Variants in PRKCI observed in about 807,000 individuals in gnomAD.
PRKCI encodes protein kinase C iota type.
In PRKCI, 43 loss-of-function variants were observed where a neutral mutation model predicts 84.0. That is an observed-to-expected ratio of 0.51 (90% CI 0.40 to 0.66). PRKCI has a LOEUF of 0.66. Among genes scored for constraint, PRKCI ranks in the 30% least tolerant of loss-of-function variants. The pLI, the probability that PRKCI is intolerant of heterozygous loss-of-function variation, is 0.00. For synonymous variants in PRKCI, 216 were observed against 234.4 expected (o/e 0.92, Z 0.72); for missense variants, 459 against 745.6 (o/e 0.62, Z 4.48).
intron 3 of PRKCI, 135 bp from the exon 4 acceptor site, chr3:170,263,244 T>G: frequency 1.6e-6 from 1 of 629,946 alleles, no homozygotes; most frequent in Non-Finnish European, 2.8e-6. Context: ...GATCACATGC[T>G]AAGTATCTTG....
intron 5 of PRKCI, among the ~76,000 whole-genome samples, 149 bp from the exon 6 acceptor site, chr3:170,270,268 TTATG>T (rs1733965573): frequency 6.6e-6 from 1 of 152,188 alleles, no homozygotes; most frequent in Non-Finnish European, 1.5e-5. Flanking sequence ...TTTTAAAAAA[TTATG>T]TATGAGGAAG....
Position 170,291,674 on chromosome 3 carries a change from G to A in PRKCI, c.1204-180G>A, listed in dbSNP as rs912747333. 94 of 513,458 alleles carry A rather than the reference G, an allele frequency of 1.8e-4. No individual in the cohort carries two copies. The Admixed American group carries it at 2.9e-3, about 16-fold the overall frequency. The allele number at this position is 513,458 out of a possible 1,614,324, so 31.8% of individuals were successfully genotyped here. On this transcript the variant is annotated intron_variant, in intron 12 of 17. Transcript: ENST00000295797. ...ATCGTGCCACTGCATGCCAGCCTGG[G>A]CGACAGAGCAAGACCCTGTCAAAAA...
At chr3:170,270,201 G>T (rs1733964166) in intron 5 of PRKCI, among the ~76,000 whole-genome samples, 1 of 152,154 alleles carries the variant, frequency 6.6e-6, no homozygotes, top group Non-Finnish European at 1.5e-5. Flanking sequence ...AAGAAATGTG[G>T]TTGCAGATTT....
At chr3:170,271,281 G>A (rs140015307) in intron 6 of PRKCI, among the ~76,000 whole-genome samples, 48 of 152,232 alleles carry the variant, frequency 3.2e-4, no homozygotes, top group African/African-American at 1.1e-3. Flanking sequence ...ATCAACTCAT[G>A]TCTAATCTTG....
chr3:170,256,611 A>G (rs1047187818), intron 2 of PRKCI, among the ~76,000 whole-genome samples: 1 of 152,174 alleles, frequency 6.6e-6, no homozygotes, highest in Non-Finnish European at 1.5e-5. Flanking sequence ...TCTTTTCAAA[A>G]AAATCAAGTT....
chr3:170,281,667 T>C lies in PRKCI; in HGVS notation c.981-215T>C, dbSNP rs80352957. 5,128 of 519,790 alleles carry C rather than the reference T, an allele frequency of 9.9e-3. 43 individuals carry two copies. Among genetic ancestry groups the C allele is most frequent in the Non-Finnish European group, 0.013 (4,156 of 318,102 alleles). The allele number at this position is 519,790 out of a possible 1,614,324, so 32.2% of individuals were successfully genotyped here. On this transcript the variant is annotated intron_variant, in intron 10 of 17. Transcript: ENST00000295797. ...CTCTGGATTGCAAGTGGTACTACTT[T>C]AGAACAGAAGTAGTAGGTTACAAAA...
chr3:170,253,019 A>C (rs1182033857), intron 2 of PRKCI, among the ~76,000 whole-genome samples: 1 of 152,218 alleles, frequency 6.6e-6, no homozygotes, highest in Non-Finnish European at 1.5e-5. Flanking sequence ...AATGTCTTCC[A>C]GTTTCATCCA....
intron 1 of PRKCI, among the ~76,000 whole-genome samples, chr3:170,229,565 GA>G (rs1242274909): frequency 6.6e-6 from 1 of 152,202 alleles, no homozygotes; most frequent in East Asian, 1.9e-4. Flanking sequence ...TCAAAGTGTA[GA>G]AATTACAGGC....
At chr3:170,293,634 G>A (rs944225101) in intron 14 of PRKCI, 126 bp downstream of exon 14, 1 of 1,088,580 alleles carries the variant, frequency 9.2e-7, no homozygotes, top group African/African-American at 1.6e-5. Flanking sequence ...ATCCTGACTG[G>A]TGGTATTAGG....
intron 8 of PRKCI, among the ~76,000 whole-genome samples, chr3:170,276,450 T>C (rs1244443246): frequency 2.7e-5 from 4 of 149,602 alleles, no homozygotes; most frequent in Non-Finnish European, 4.4e-5. Flanking sequence ...TTTTTTCTTT[T>C]TAACTTTTTT....
chr3:170,227,916 A>C (rs1732676067), intron 1 of PRKCI, among the ~76,000 whole-genome samples: 1 of 152,176 alleles, frequency 6.6e-6, no homozygotes, highest in Admixed American at 6.5e-5. Flanking sequence ...GAGAGAGAAA[A>C]GAGTGTATGG....
intron 4 of PRKCI, among the ~76,000 whole-genome samples, chr3:170,265,226 C>T (rs1456314077): frequency 1.3e-5 from 2 of 151,760 alleles, no homozygotes; most frequent in African/African-American, 2.4e-5. Context: ...CTCCAATCTA[C>T]GTGATTCATA....
intron 3 of PRKCI, among the ~76,000 whole-genome samples, chr3:170,261,372 C>T (rs1359122364): frequency 1.3e-5 from 2 of 149,976 alleles, no homozygotes; most frequent in Non-Finnish European, 1.5e-5. Flanking sequence ...AAAAGTGAAA[C>T]GAATGTAAAT....
intron 2 of PRKCI, among the ~76,000 whole-genome samples, chr3:170,250,259 T>C: frequency 7.2e-6 from 1 of 139,662 alleles, no homozygotes; most frequent in Non-Finnish European, 1.5e-5. Flanking sequence ...GGTGACAGAG[T>C]GAGACTTGGT....
intron 10 of PRKCI, chr3:170,281,641 G>A (rs909640595): frequency 4.4e-6 from 2 of 455,494 alleles, no homozygotes; most frequent in Admixed American, 4.0e-5. Context: ...GTAATGAGTG[G>A]CTCTGGATTG....
At chr3:170,283,930 T>C (rs927929872) in intron 11 of PRKCI, among the ~76,000 whole-genome samples, 18 of 152,234 alleles carry the variant, frequency 1.2e-4, no homozygotes, top group African/African-American at 3.9e-4. Context: ...TCATTTAATA[T>C]TAAATTTTAC....
At chr3:170,289,458 G>C (rs1007966047) in intron 12 of PRKCI, among the ~76,000 whole-genome samples, 7 of 152,124 alleles carry the variant, frequency 4.6e-5, no homozygotes, top group African/African-American at 1.7e-4. Flanking sequence ...TAGGGAGCTG[G>C]AACTGGGTGA....
intron 8 of PRKCI, among the ~76,000 whole-genome samples, chr3:170,279,208 T>C (rs1477111150): frequency 6.6e-6 from 1 of 152,118 alleles, no homozygotes; most frequent in East Asian, 1.9e-4. Context: ...TTGTATATTT[T>C]GGTAGAGATG....
intron 2 of PRKCI, among the ~76,000 whole-genome samples, chr3:170,254,204 G>A (rs1733529337): frequency 6.6e-6 from 1 of 151,382 alleles, no homozygotes; most frequent in Admixed American, 6.6e-5. Context: ...GTCTATTCTG[G>A]TTATTAATCC....
Sources: allele counts gnomAD v4.1 joint callset (sites outside exome capture counted in the v4.1 genomes callset), GRCh38; gene constraint gnomAD v4.1.1; transcripts MANE v1.5; gene names NCBI Gene and HGNC (gene_info 2026-07-23, HGNC 2026-07-21).